Variants in DSC1 observed in about 807,000 individuals in gnomAD.
DSC1 encodes desmocollin-1.
In DSC1, 79 loss-of-function variants were observed where a neutral mutation model predicts 98.8. The observed-to-expected ratio is 0.80, with a 90% CI of 0.67 to 0.96. The LOEUF is 0.96. Among genes scored for constraint, DSC1 ranks in the 50% least tolerant of loss-of-function variants. DSC1 has a pLI of 0.00. For synonymous variants in DSC1, 405 were observed against 372.1 expected, an observed-to-expected ratio of 1.09 and a Z score of -1.02; for missense variants, 1,115 against 1,075.9, an observed-to-expected ratio of 1.04 and a Z score of -0.51.
At chr18:31,131,025 C>T (rs144417688) in intron 15 of DSC1, among the ~76,000 whole-genome samples, 17 of 152,274 alleles carry the variant, frequency 1.1e-4, no homozygotes, top group South Asian at 2.1e-4. Flanking sequence ...AGCTTCTTCA[C>T]GTATTTGAGG....
At chr18:31,162,471 C>T in intron 1 of DSC1, 61 bp downstream of exon 1, 2 of 1,540,288 alleles carry the variant, frequency 1.3e-6, no homozygotes, top group Non-Finnish European at 1.8e-6. Context: ...CAAGCCCAAA[C>T]TGCAGAGAGG....
At position 31,134,764 on chromosome 18, in the gene DSC1, T is replaced by G; in HGVS notation, c.1684A>C (p.Thr562Pro). 5 of 1,611,742 alleles carry G rather than the reference T, an allele frequency of 3.1e-6. No homozygotes were observed. The highest frequency in any genetic ancestry group is 3.4e-6 in the Non-Finnish European group (4 of 1,178,226). ...TAATCATCCAAATGAACTACTAATGTTCCAGTGCAAGATCGGCCAACTAAG... is the reference window on the plus strand; with the variant it reads ...TAATCATCCAAATGAACTACTAATGGTCCAGTGCAAGATCGGCCAACTAAG... ...VDAVGRSCTG[T>P]LVVHLDDYND... is the part of the protein sequence containing the mutation. Residue 562 changes from threonine (T) to proline (P), a missense_variant, in exon 12 of 16, where the codon ACA (threonine) becomes CCA (proline). Thr to Pro is a conservative substitution (Grantham distance 38, BLOSUM62 -1). Coordinates refer to ENST00000257198, the MANE Select transcript of DSC1 (RefSeq NM_024421.2).
At chr18:31,142,213 A>G (rs1235212596) in intron 8 of DSC1, 29 bp from the exon 9 acceptor site, 24 of 1,583,142 alleles carry the variant, frequency 1.5e-5, no homozygotes, top group East Asian at 2.3e-5. Flanking sequence ...ATTATTATCA[A>G]TTTACAACTT....
At chr18:31,139,939 GATCTT>G in intron 10 of DSC1, 49 bp from the exon 11 acceptor site, 4 of 1,567,600 alleles carry the variant, frequency 2.6e-6, no homozygotes, top group Non-Finnish European at 2.6e-6. Context: ...GAAGGGACAT[GATCTT>G]AAAATCTGTC....
rs1008706590 is a variant in DSC1, at chr18:31,142,082, T to G, written c.1177A>C (p.Lys393Gln). 9 of 1,613,056 alleles carry G rather than the reference T, an allele frequency of 5.6e-6. No homozygotes were observed. Among genetic ancestry groups the G allele is most frequent in the Non-Finnish European group, 7.6e-6 (9 of 1,179,696 alleles). ...PNTPHSKAVY[K>Q]ILQGNENGNF... ...CCATTTTCATTTCCTTGTAGGATTT[T>G]GTATACAGCCTTTGAGTGAGGAGTG... The change falls in exon 9 of 16, where the codon AAA (lysine) becomes CAA (glutamine). Residue 393 changes from lysine to glutamine, a missense_variant. Coordinates refer to ENST00000257198, the MANE Select transcript of DSC1 (RefSeq NM_024421.2).
intron 5 of DSC1, among the ~76,000 whole-genome samples, chr18:31,150,397 T>TATCACCACC (rs1181427489): frequency 0.24 from 4,293 of 17,970 alleles, 1,579 homozygotes; most frequent in Non-Finnish European, 0.27. Context: ...TCACCACCAT[T>TATCACCACC]ATCACCACCA....
chr18:31,146,793 A>C (rs1369428202), intron 6 of DSC1, among the ~76,000 whole-genome samples: 1 of 152,232 alleles, frequency 6.6e-6, no homozygotes, highest in Non-Finnish European at 1.5e-5. Context: ...AAAGTTAATC[A>C]GAGGAATACC....
At chr18:31,134,549 T>C (rs1988567075) in intron 12 of DSC1, 23 bp downstream of exon 12, 5 of 1,568,378 alleles carry the variant, frequency 3.2e-6, no homozygotes, top group Non-Finnish European at 4.4e-6. Context: ...GTATTGACTA[T>C]AAAATTTAGC....
rs751748750 is a variant in DSC1, at chr18:31,145,715, G to A, written c.835C>T (p.Leu279=). The change falls in exon 7 of 16, where the codon CTG becomes TTG. Residue 279 remains leucine (L), a synonymous_variant. Coordinates refer to ENST00000257198, the MANE Select transcript of DSC1 (RefSeq NM_024421.2). ...ATTTGTTGTAAGATTTTATATTTCAGACGAGTATGGAGAGTGTCAGGTTCG... is the reference window on the plus strand; with the variant it reads ...ATTTGTTGTAAGATTTTATATTTCAAACGAGTATGGAGAGTGTCAGGTTCG... ...LDEPDTLHTR[L]KYKILQQIPD... 1.2e-6 allele frequency: 2 copies of A among 1,614,214 alleles called. No individual in the cohort carries two copies. Among genetic ancestry groups the A allele is most frequent in the African/African-American group, 1.3e-5 (1 of 75,050 alleles).
chr18:31,137,097 A>T (rs951550665), intron 11 of DSC1, among the ~76,000 whole-genome samples: 1 of 152,118 alleles, frequency 6.6e-6, no homozygotes, highest in African/African-American at 2.4e-5. Flanking sequence ...TTTTATTGCT[A>T]CTCAAATGTT....
chr18:31,154,655 A>T, intron 5 of DSC1, 119 bp downstream of exon 5: 1 of 951,718 alleles, frequency 1.1e-6, no homozygotes, highest in Non-Finnish European at 1.5e-6. Flanking sequence ...ATTGCATATT[A>T]ATATCTTGAA....
intron 9 of DSC1, among the ~76,000 whole-genome samples, chr18:31,141,340 G>T (rs926117020): frequency 1.3e-5 from 2 of 152,142 alleles, no homozygotes; most frequent in Admixed American, 6.6e-5. Flanking sequence ...CACAATGTCT[G>T]CCTGAACCTT....
At position 31,134,675 on chromosome 18, in the gene DSC1, A is replaced by G. The variant is rs1191338354; in HGVS notation, c.1773T>C (p.Ala591=). 6.2e-7 allele frequency: 1 copy of G among 1,613,278 alleles called. No individual in the cohort carries two copies. Among genetic ancestry groups the G allele is most frequent in the Non-Finnish European group, 8.5e-7 (1 of 1,179,578 alleles). The change falls in exon 12 of 16, where the codon GCT becomes GCC. Residue 591 remains alanine (A), a synonymous_variant. Coordinates refer to ENST00000257198, the MANE Select transcript of DSC1 (RefSeq NM_024421.2). ...CATCTGGATCTACAGGTTTCAGAAC[A>G]GCAAAATCCTCATTATTCTGACAAA... is the stretch of plus-strand genomic sequence containing the variant. ...VTICQNNEDF[A]VLKPVDPDGP...
chr18:31,138,117 C>T (rs1305839156), intron 11 of DSC1, among the ~76,000 whole-genome samples: 3 of 151,952 alleles, frequency 2.0e-5, no homozygotes, highest in East Asian at 1.9e-4. Context: ...AGGTTATCTA[C>T]GGCCCTGGAA....
At chr18:31,153,886 T>C (rs1411415219) in intron 5 of DSC1, among the ~76,000 whole-genome samples, 1 of 152,174 alleles carries the variant, frequency 6.6e-6, no homozygotes, top group Non-Finnish European at 1.5e-5. Context: ...GGCCACTAAC[T>C]ACTACTCATT....
intron 5 of DSC1, among the ~76,000 whole-genome samples, chr18:31,151,795 T>C (rs1231920027): frequency 6.6e-6 from 1 of 151,954 alleles, no homozygotes; most frequent in Non-Finnish European, 1.5e-5. Flanking sequence ...CAAAGCTGAG[T>C]GGGTACAGAA....
chr18:31,152,384 G>A (rs572266901), intron 5 of DSC1, among the ~76,000 whole-genome samples: 1 of 152,150 alleles, frequency 6.6e-6, no homozygotes, highest in South Asian at 2.1e-4. Context: ...TATTGAATTA[G>A]ACCTATGGCT....
At position 31,143,385 on chromosome 18, in the gene DSC1, ATAAAAT is replaced by A. The variant is rs752184493; in HGVS notation, c.1074+266_1074+271del. Among the ~76,000 whole-genome samples, 22 of 140,328 alleles carry A rather than the reference ATAAAAT, an allele frequency of 1.6e-4. 1 individual carries two copies. The highest frequency in any genetic ancestry group is 2.5e-4 in the African/African-American group (8 of 32,298). The allele number at this position is 140,328 out of a possible 152,430, so 92.1% of individuals were successfully genotyped here. A position where few individuals can be genotyped will look rare whatever the true frequency, so the allele number is the denominator to read the frequency against. On this transcript the variant is annotated intron_variant, in intron 8 of 15. Coordinates refer to ENST00000257198, the MANE Select transcript of DSC1 (RefSeq NM_024421.2). ...CAGAGCTTAACACCAAAAAAATAAA[ATAAAAT>A]AAAATAAAAGTTTAACACATGAGCT...
chr18:31,148,253 G>C (rs1988887806), intron 6 of DSC1, among the ~76,000 whole-genome samples: 2 of 151,982 alleles, frequency 1.3e-5, no homozygotes, highest in Admixed American at 1.3e-4. Flanking sequence ...TGATATAAAA[G>C]GGAAAAATGT....
Sources: allele counts gnomAD v4.1 joint callset (sites outside exome capture counted in the v4.1 genomes callset), GRCh38; gene constraint gnomAD v4.1.1; transcripts MANE v1.5; gene names NCBI Gene and HGNC (gene_info 2026-07-23, HGNC 2026-07-21).